Variants in LRRC7 observed in about 807,000 individuals in gnomAD.
The protein encoded by LRRC7 is leucine-rich repeat-containing protein 7.
LRRC7 carries 23 observed loss-of-function variants against 175.7 expected under a neutral mutation model. The ratio of observed to expected loss-of-function variants is 0.13; its 90% CI spans 0.09 to 0.19. The LOEUF is 0.19. Among genes scored for constraint, LRRC7 ranks in the 10% least tolerant of loss-of-function variants. The pLI is 1.00. For synonymous variants in LRRC7, 685 were observed against 680.9 expected (o/e 1.01, Z -0.09); for missense variants, 1,354 against 1,904.7 (o/e 0.71, Z 5.38).
intron 7 of LRRC7, among the ~76,000 whole-genome samples, chr1:69,901,700 T>C (rs1024642381): frequency 2.0e-5 from 3 of 152,204 alleles, no homozygotes; most frequent in Non-Finnish European, 2.9e-5. Flanking sequence ...TTTGATCTCC[T>C]TCATATTGCA....
At chr1:70,066,746 C>T (rs1662009122) in intron 23 of LRRC7, among the ~76,000 whole-genome samples, 1 of 152,016 alleles carries the variant, frequency 6.6e-6, no homozygotes, top group Non-Finnish European at 1.5e-5. Context: ...GGATGAATGT[C>T]CAGGAATACA....
chr1:69,892,492 CA>C (rs1645865119), intron 7 of LRRC7, among the ~76,000 whole-genome samples: 2 of 152,170 alleles, frequency 1.3e-5, no homozygotes, highest in Non-Finnish European at 2.9e-5. Context: ...ATACAATACA[CA>C]TCTTTAAAAT....
At chr1:69,945,449 T>C (rs917776141) in intron 8 of LRRC7, among the ~76,000 whole-genome samples, 2 of 152,168 alleles carry the variant, frequency 1.3e-5, no homozygotes, top group African/African-American at 4.8e-5. Flanking sequence ...TGCCTCTAGC[T>C]TTGTTCTTTT....
intron 18 of LRRC7, among the ~76,000 whole-genome samples, chr1:70,035,754 A>G (rs182000304): frequency 1.3e-3 from 201 of 152,112 alleles, no homozygotes; most frequent in Non-Finnish European, 1.8e-3. Flanking sequence ...CTGCTCATAT[A>G]TGGCTTATCA....
chr1:69,975,485 A>G (rs1652719472), intron 8 of LRRC7, among the ~76,000 whole-genome samples: 1 of 152,048 alleles, frequency 6.6e-6, no homozygotes, highest in South Asian at 2.1e-4. Flanking sequence ...ACCTATGGAA[A>G]CCTGACGTCT....
intron 1 of LRRC7, among the ~76,000 whole-genome samples, chr1:69,580,460 A>T (rs1207034757): frequency 6.6e-6 from 1 of 152,146 alleles, no homozygotes; most frequent in African/African-American, 2.4e-5. Context: ...TTTGTGCACA[A>T]GTATATTTTA....
chr1:69,736,446 C>T (rs1026925040), intron 2 of LRRC7, among the ~76,000 whole-genome samples: 20 of 151,954 alleles, frequency 1.3e-4, no homozygotes, highest in African/African-American at 4.6e-4. Flanking sequence ...TTAACAGAAT[C>T]CAGTGGTATT....
chr1:69,608,018 T>A (rs1647908744), intron 1 of LRRC7: 1 of 152,630 alleles, frequency 6.6e-6, no homozygotes, highest in Non-Finnish European at 1.5e-5. Flanking sequence ...AATACGTTTA[T>A]CTTTTGAAGC....
At chr1:69,625,965 G>T (rs990133078) in intron 1 of LRRC7, among the ~76,000 whole-genome samples, 2 of 152,058 alleles carry the variant, frequency 1.3e-5, no homozygotes, top group Non-Finnish European at 2.9e-5. Context: ...AAATCGTATT[G>T]TTCAAATGTC....
intron 8 of LRRC7, among the ~76,000 whole-genome samples, chr1:69,932,736 T>G (rs922868360): frequency 2.6e-5 from 4 of 152,194 alleles, no homozygotes; most frequent in African/African-American, 9.7e-5. Flanking sequence ...TGTTCCTCTC[T>G]CCATCCCCTG....
chr1:69,775,733 G>T (rs76473371), intron 3 of LRRC7, among the ~76,000 whole-genome samples: 1 of 152,244 alleles, frequency 6.6e-6, no homozygotes, highest in African/African-American at 2.4e-5. Flanking sequence ...TTCTAAGAGA[G>T]AACCATAAAT....
At chr1:69,730,152 C>G (rs1408042508) in intron 2 of LRRC7, among the ~76,000 whole-genome samples, 1 of 152,172 alleles carries the variant, frequency 6.6e-6, no homozygotes, top group Non-Finnish European at 1.5e-5. Flanking sequence ...CCATTTTTCC[C>G]TCCTAGGCCT....
intron 11 of LRRC7, among the ~76,000 whole-genome samples, chr1:70,005,043 A>T (rs1409984127): frequency 6.6e-6 from 1 of 151,316 alleles, no homozygotes; most frequent in Non-Finnish European, 1.5e-5. Context: ...TTTTCCAGGT[A>T]CTCTACCTCG....
At position 69,994,555 on chromosome 1, in the gene LRRC7, C is replaced by T. The variant is rs12035355; in HGVS notation, c.932-6C>T. On this transcript the variant is annotated splice_region_variant and splice_polypyrimidine_tract_variant and intron_variant, in intron 10 of 26. Transcript: ENST00000651989. ...ATGTATTAATCAACCTTCTTCTCTG[C>T]TTTAGGACTTTTGAAAAAACTAACA... The T allele has an allele frequency of 0.057, 89,667 of 1,583,608 alleles. 2,842 individuals carry two copies. Among genetic ancestry groups the T allele is most frequent in the South Asian group, 0.1 (9,362 of 90,344 alleles).
chr1:69,572,397 A>C (rs1391553147), intron 1 of LRRC7, among the ~76,000 whole-genome samples: 1 of 152,286 alleles, frequency 6.6e-6, no homozygotes, highest in African/African-American at 2.4e-5. Context: ...TACCTAAATC[A>C]AAAGAAGGAG....
At chr1:69,794,478 C>A (rs1480938987) in intron 4 of LRRC7, among the ~76,000 whole-genome samples, 1 of 152,156 alleles carries the variant, frequency 6.6e-6, no homozygotes, top group Non-Finnish European at 1.5e-5. Flanking sequence ...TTAGGGCTAC[C>A]ATGCTTTGAG....
At chr1:69,588,876 GT>G (rs905197294) in intron 1 of LRRC7, among the ~76,000 whole-genome samples, 4 of 151,950 alleles carry the variant, frequency 2.6e-5, no homozygotes, top group African/African-American at 9.7e-5. Context: ...TTCTGTACTT[GT>G]TAAATTTCTG....
At chr1:69,903,998 T>A (rs1646218270) in intron 7 of LRRC7, among the ~76,000 whole-genome samples, 1 of 152,138 alleles carries the variant, frequency 6.6e-6, no homozygotes, top group Non-Finnish European at 1.5e-5. Context: ...GCTCTGAAAT[T>A]GAGGCAATAA....
At chr1:69,721,702 A>AT (rs1314709614) in intron 2 of LRRC7, among the ~76,000 whole-genome samples, 1 of 151,648 alleles carries the variant, frequency 6.6e-6, no homozygotes, top group Non-Finnish European at 1.5e-5. Flanking sequence ...CCTGTTTTCA[A>AT]TTTTTTGCCA....
Sources: gnomAD v4.1 joint callset for allele counts (sites outside exome capture counted in the v4.1 genomes callset) on GRCh38, gnomAD v4.1.1 for gene constraint, MANE v1.5 for transcripts, NCBI Gene and HGNC (gene_info 2026-07-23, HGNC 2026-07-21) for gene names.